PTPRK: variants seen among roughly 807,000 people sequenced by gnomAD.
The protein encoded by PTPRK is protein tyrosine phosphatase receptor type K, also known as receptor-type tyrosine-protein phosphatase kappa.
PTPRK carries 75 observed loss-of-function variants against 178.0 expected under a neutral mutation model. The ratio of observed to expected loss-of-function variants is 0.42; its 90% CI spans 0.35 to 0.51. The LOEUF (loss-of-function observed/expected upper bound fraction) is 0.51. Ranked by LOEUF, PTPRK falls within the 20% of genes least tolerant of loss-of-function variation. The pLI is 0.02. For missense variants in PTPRK, 1,441 were observed against 1,797.8 expected (o/e 0.80, Z 3.59); for synonymous variants, 637 against 620.6 (o/e 1.03, Z -0.39).
intron 3 of PTPRK, among the ~76,000 whole-genome samples, chr6:128,267,100 C>G (rs1413920504): frequency 1.3e-5 from 2 of 151,922 alleles, no homozygotes; most frequent in Non-Finnish European, 2.9e-5. Context: ...CAAAAAGGCT[C>G]ATATATTAAT....
intron 13 of PTPRK, among the ~76,000 whole-genome samples, chr6:128,024,215 C>A (rs905403616): frequency 1.3e-5 from 2 of 152,128 alleles, no homozygotes; most frequent in African/African-American, 4.8e-5. Context: ...CTTGTAAGAG[C>A]TCTGTAAACA....
At chr6:128,028,153 C>A (rs747068889) in intron 13 of PTPRK, among the ~76,000 whole-genome samples, 2 of 152,058 alleles carry the variant, frequency 1.3e-5, no homozygotes, top group Non-Finnish European at 2.9e-5. Flanking sequence ...TATTTAGCCA[C>A]TTAAAATTAA....
At chr6:128,355,023 C>T (rs2128339193) in intron 2 of PTPRK, among the ~76,000 whole-genome samples, 1 of 152,338 alleles carries the variant, frequency 6.6e-6, no homozygotes, top group African/African-American at 2.4e-5. Context: ...AATGTTAACA[C>T]TTTACTGGAG....
intron 3 of PTPRK, among the ~76,000 whole-genome samples, chr6:128,313,031 T>C (rs944647588): frequency 6.6e-6 from 1 of 152,152 alleles, no homozygotes; most frequent in Admixed American, 6.6e-5. Flanking sequence ...TGTACCATCA[T>C]TGAATACTTA....
At chr6:128,493,539 T>G (rs566031728) in intron 1 of PTPRK, among the ~76,000 whole-genome samples, 1 of 134,538 alleles carries the variant, frequency 7.4e-6, no homozygotes, top group Non-Finnish European at 1.6e-5. Context: ...TCCAGCTGGG[T>G]GAAAGAGCGA....
chr6:128,279,891 AAAT>A (rs1205347080), intron 3 of PTPRK, among the ~76,000 whole-genome samples: 2 of 152,122 alleles, frequency 1.3e-5, no homozygotes, highest in African/African-American at 4.8e-5. Flanking sequence ...GCATATTTAT[AAAT>A]AATAGTTGCC....
intron 3 of PTPRK, among the ~76,000 whole-genome samples, chr6:128,248,008 G>C (rs1032413891): frequency 6.6e-6 from 1 of 152,076 alleles, no homozygotes; most frequent in African/African-American, 2.4e-5. Context: ...TGCCTTCAAA[G>C]AACAAATGTG....
intron 7 of PTPRK, among the ~76,000 whole-genome samples, chr6:128,179,759 T>C (rs1249789243): frequency 1.3e-5 from 2 of 152,012 alleles, no homozygotes; most frequent in Non-Finnish European, 2.9e-5. Context: ...AATCAATATA[T>C]GGTACCATTT....
At chr6:128,156,649 G>A (rs1797994274) in intron 7 of PTPRK, among the ~76,000 whole-genome samples, 1 of 151,886 alleles carries the variant, frequency 6.6e-6, no homozygotes, top group Non-Finnish European at 1.5e-5. Flanking sequence ...TTCACAATGA[G>A]ATTTCAGTGA....
chr6:128,315,226 T>G (rs1827839273), intron 3 of PTPRK, among the ~76,000 whole-genome samples: 1 of 152,194 alleles, frequency 6.6e-6, no homozygotes, highest in South Asian at 2.1e-4. Flanking sequence ...TGCCAGGATC[T>G]AAAGATATTT....
chr6:128,352,503 T>C (rs1002306165), intron 2 of PTPRK, among the ~76,000 whole-genome samples: 6 of 152,178 alleles, frequency 3.9e-5, no homozygotes, highest in Admixed American at 1.3e-4. Flanking sequence ...ATTATGTCTT[T>C]ATGACCTGCC....
chr6:127,973,862 G>T, intron 27 of PTPRK, 35 bp from the exon 28 acceptor site: 1 of 1,578,726 alleles, frequency 6.3e-7, no homozygotes, highest in Non-Finnish European at 8.6e-7. Flanking sequence ...AAATACGCTG[G>T]GACTACAATT....
At chr6:128,325,144 T>C (rs971814214) in intron 2 of PTPRK, among the ~76,000 whole-genome samples, 4 of 152,166 alleles carry the variant, frequency 2.6e-5, no homozygotes, top group African/African-American at 9.7e-5. Context: ...AAATATTCCT[T>C]ACAGTCTCTT....
chr6:128,258,444 A>G (rs1173819940), intron 3 of PTPRK, among the ~76,000 whole-genome samples: 1 of 152,228 alleles, frequency 6.6e-6, no homozygotes, highest in Non-Finnish European at 1.5e-5. Context: ...ACTGACCAGA[A>G]AAATCCAAGG....
intron 1 of PTPRK, among the ~76,000 whole-genome samples, chr6:128,442,175 T>C (rs954255356): frequency 6.6e-6 from 1 of 152,232 alleles, no homozygotes; most frequent in Admixed American, 6.5e-5. Flanking sequence ...ATGCAAAAGA[T>C]AGTTCTGGAA....
At chr6:128,296,459 A>G (rs1401554027) in intron 3 of PTPRK, among the ~76,000 whole-genome samples, 1 of 152,154 alleles carries the variant, frequency 6.6e-6, no homozygotes, top group Admixed American at 6.6e-5. Flanking sequence ...AAAAAATGTT[A>G]AGGGCAGCCA....
intron 3 of PTPRK, among the ~76,000 whole-genome samples, chr6:128,255,007 T>C (rs1305804577): frequency 1.3e-5 from 2 of 152,206 alleles, no homozygotes; most frequent in Admixed American, 1.3e-4. Context: ...TTTGTTTTTC[T>C]TGAGCCAGAG....
At chr6:128,511,668 A>C (rs1187740334) in intron 1 of PTPRK, among the ~76,000 whole-genome samples, 2 of 152,198 alleles carry the variant, frequency 1.3e-5, no homozygotes, top group African/African-American at 4.8e-5. Context: ...GAGACAAATA[A>C]ATTCACCTTT....
intron 2 of PTPRK, among the ~76,000 whole-genome samples, chr6:128,351,397 A>G (rs1460027502): frequency 6.6e-6 from 1 of 152,216 alleles, no homozygotes; most frequent in Non-Finnish European, 1.5e-5. Flanking sequence ...AATTCCTTAA[A>G]TATCTGAAGG....
Sources: gnomAD v4.1 joint callset for allele counts (sites outside exome capture counted in the v4.1 genomes callset) on GRCh38, gnomAD v4.1.1 for gene constraint, MANE v1.5 for transcripts, NCBI Gene and HGNC (gene_info 2026-07-23, HGNC 2026-07-21) for gene names.